The following PPP2CA variants were observed in gnomAD, a reference collection of about 807,000 sequenced individuals.
The protein encoded by PPP2CA is serine/threonine-protein phosphatase 2A catalytic subunit alpha isoform.
Under a neutral mutation model 38.8 loss-of-function variants are expected in PPP2CA, and 5 were observed. That is an observed-to-expected ratio of 0.13 (90% CI 0.07 to 0.27). The LOEUF is 0.27. Ranked by LOEUF, PPP2CA falls within the 10% of genes least tolerant of loss-of-function variation. PPP2CA has a pLI of 1.00. For synonymous variants in PPP2CA, 152 were observed against 134.0 expected (o/e 1.13, Z -0.93); for missense variants, 88 against 389.7 (o/e 0.23, Z 6.52).
At chr5:134,218,480 T>G (rs1762366767) in intron 1 of PPP2CA, among the ~76,000 whole-genome samples, 1 of 152,164 alleles carries the variant, frequency 6.6e-6, no homozygotes, top group African/African-American at 2.4e-5. Context: ...GTGAATGAAT[T>G]AAACACTCCC....
At chr5:134,221,700 T>G (rs1181182984) in intron 1 of PPP2CA, among the ~76,000 whole-genome samples, 2 of 152,140 alleles carry the variant, frequency 1.3e-5, no homozygotes, top group Non-Finnish European at 1.5e-5. Context: ...CCAGGCGCGC[T>G]GGCTCAAGCC....
chr5:134,225,403 G>T, intron 1 of PPP2CA: 2 of 225,528 alleles, frequency 8.9e-6, no homozygotes, highest in Non-Finnish European at 1.8e-5. Flanking sequence ...GAGAGGCCCA[G>T]GCTCCATTCC....
At chr5:134,220,879 C>A (rs925499100) in intron 1 of PPP2CA, among the ~76,000 whole-genome samples, 1 of 152,188 alleles carries the variant, frequency 6.6e-6, no homozygotes, top group African/African-American at 2.4e-5. Context: ...AGTACATGAG[C>A]TTCAACTTAG....
At chr5:134,202,749 GA>G (rs1184236613) in intron 2 of PPP2CA, among the ~76,000 whole-genome samples, 1 of 152,178 alleles carries the variant, frequency 6.6e-6, no homozygotes, top group Non-Finnish European at 1.5e-5. Flanking sequence ...AGATTCCTAA[GA>G]ATATAATTGT....
chr5:134,203,793 G>A (rs1027902146), intron 2 of PPP2CA, among the ~76,000 whole-genome samples: 3 of 152,044 alleles, frequency 2.0e-5, no homozygotes, highest in African/African-American at 2.4e-5. Context: ...GTAGCTCACC[G>A]CAGCCTGAAA....
At position 134,201,765 on chromosome 5, in the gene PPP2CA, G is replaced by A. The variant is rs533711392; in HGVS notation, c.486+83C>T. ...AAAAATATCCCCAAAGGGGTGTTAA[G>A]AGTGGAAAGAGTCATAAGCACCTGA... On this transcript the variant is annotated intron_variant, in intron 3 of 6. Transcript: ENST00000481195. 296 of 1,400,740 alleles carry A rather than the reference G, an allele frequency of 2.1e-4. 1 individual carries two copies. Among genetic ancestry groups the A allele is most frequent in the African/African-American group, 1.4e-3 (95 of 67,824 alleles). The allele number at this position is 1,400,740 out of a possible 1,614,324, so 86.8% of individuals were successfully genotyped here.
rs1761880175 is a variant in PPP2CA at position 134,197,553 on chromosome 5, T to C, written c.*219A>G. 2 of 517,124 alleles carry C rather than the reference T, an allele frequency of 3.9e-6. No homozygotes were observed. Among genetic ancestry groups the C allele is most frequent in the Middle Eastern group, 5.2e-4 (1 of 1,932 alleles). 32.0% of individuals were successfully genotyped at this position (517,124 alleles called of 1,614,324 possible). On this transcript the variant is annotated 3_prime_UTR_variant, in exon 7 of 7. Coordinates refer to ENST00000481195, the MANE Select transcript of PPP2CA (RefSeq NM_002715.4). ...CAGAAACTGGTTTCTTGACCAACAATGTCGCTTCAGCATGCAATGAACTGG... is the reference window on the plus strand; with the variant it reads ...CAGAAACTGGTTTCTTGACCAACAACGTCGCTTCAGCATGCAATGAACTGG...
intron 1 of PPP2CA, among the ~76,000 whole-genome samples, chr5:134,224,023 A>C (rs1762503252): frequency 6.6e-6 from 1 of 152,212 alleles, no homozygotes; most frequent in Non-Finnish European, 1.5e-5. Flanking sequence ...AGAAGGACTC[A>C]TGTCCAAATC....
At chr5:134,205,749 C>G in intron 2 of PPP2CA, 173 bp downstream of exon 2, 2 of 581,482 alleles carry the variant, frequency 3.4e-6, no homozygotes, top group South Asian at 4.0e-5. Context: ...GTACCATCCC[C>G]TTACTCAGAA....
chr5:134,222,862 GTCTTAATCACA>G (rs1187344847), intron 1 of PPP2CA, among the ~76,000 whole-genome samples: 1 of 152,166 alleles, frequency 6.6e-6, no homozygotes, highest in African/African-American at 2.4e-5. Context: ...TTTTGTATAA[GTCTTAATCACA>G]TCTTAAAATT....
chr5:134,202,130 A>C, intron 2 of PPP2CA, 109 bp from the exon 3 acceptor site: 2 of 1,088,410 alleles, frequency 1.8e-6, no homozygotes, highest in Non-Finnish European at 2.6e-6. Context: ...TTGAAAAAAC[A>C]GCACACATCC....
At chr5:134,204,085 G>A (rs1360135872) in intron 2 of PPP2CA, among the ~76,000 whole-genome samples, 3 of 152,210 alleles carry the variant, frequency 2.0e-5, no homozygotes, top group East Asian at 1.9e-4. Flanking sequence ...AGAAAATAAC[G>A]ATCTCCAAAA....
chr5:134,222,680 GAT>G (rs1224453777), intron 1 of PPP2CA, among the ~76,000 whole-genome samples: 1 of 152,162 alleles, frequency 6.6e-6, no homozygotes, highest in Non-Finnish European at 1.5e-5. Context: ...AAAGCAAGTT[GAT>G]ACTATTTACT....
chr5:134,197,916 G>A, intron 6 of PPP2CA, 72 bp from the exon 7 acceptor site: 2 of 1,308,750 alleles, frequency 1.5e-6, no homozygotes, highest in Non-Finnish European at 2.2e-6. Context: ...TCAAGAACAT[G>A]AGTCTTCCAA....
intron 1 of PPP2CA, among the ~76,000 whole-genome samples, chr5:134,216,920 T>C (rs1228201700): frequency 2.0e-5 from 3 of 152,224 alleles, no homozygotes; most frequent in Non-Finnish European, 4.4e-5. Flanking sequence ...CTCTTTACAA[T>C]CTTAGTACTA....
chr5:134,197,814 G>A lies in PPP2CA; in HGVS notation c.888C>T (p.Gly296=), dbSNP rs753520491. The A allele has an allele frequency of 8.1e-6, 13 of 1,613,042 alleles. No individual in the cohort carries two copies. Among genetic ancestry groups the A allele is most frequent in the African/African-American group, 6.7e-5 (5 of 74,972 alleles). The change falls in exon 7 of 7, where the codon GGC becomes GGT. Residue 296 remains glycine (G), a synonymous_variant. Transcript: ENST00000481195. Reference sequence around the variant, plus strand: ...GGGTACGACGAGTAACATGTGGCTCGCCTCTACGAGGTGCTGGGTCAAACT... The same window carrying A: ...GGGTACGACGAGTAACATGTGGCTCACCTCTACGAGGTGCTGGGTCAAACT... ...FLQFDPAPRR[G]EPHVTRRTPD... is the part of the protein sequence containing the mutation.
At chr5:134,199,300 C>T in intron 5 of PPP2CA, 96 bp from the exon 6 acceptor site, 1 of 893,066 alleles carries the variant, frequency 1.1e-6, no homozygotes, top group Non-Finnish European at 1.8e-6. Flanking sequence ...CTCATTCCCA[C>T]CCCTGCCAAA....
rs888552639 is a variant in PPP2CA, at chr5:134,221,997, T to A, written c.102+3763A>T. ...AAAAAAAAAAAAAAAAGTTTTATTTTATGAAAGTGTTGACTTCCCAATTTA... is the reference window on the plus strand; with the variant it reads ...AAAAAAAAAAAAAAAAGTTTTATTTAATGAAAGTGTTGACTTCCCAATTTA... On this transcript the variant is annotated intron_variant, in intron 1 of 6. Coordinates refer to ENST00000481195, the MANE Select transcript of PPP2CA (RefSeq NM_002715.4). Among the ~76,000 whole-genome samples the A allele has an allele frequency of 2.0e-5, 3 of 151,966 alleles. No homozygotes were observed. In the East Asian group the frequency reaches 5.8e-4, roughly 29 times the overall value.
Position 134,224,250 on chromosome 5 carries a change from T to TA in PPP2CA, c.102+1509dup, listed in dbSNP as rs1561745736. 6.6e-6 allele frequency: 3 copies of TA among 453,944 alleles called. No homozygotes were observed. The Admixed American group carries it at 7.2e-5, about 11-fold the overall frequency. The allele number at this position is 453,944 out of a possible 1,614,324, so 28.1% of individuals were successfully genotyped here. A position where few individuals can be genotyped will look rare whatever the true frequency, so the allele number is the denominator to read the frequency against. On this transcript the variant is annotated intron_variant, in intron 1 of 6. Transcript: ENST00000481195. ...GCCAATTTTAAACCTTTAAAATAAA[T>TA]ACCAACCTCATTTGACGTGAGAGGG...
Sources: gnomAD v4.1 joint callset for allele counts (sites outside exome capture counted in the v4.1 genomes callset) on GRCh38, gnomAD v4.1.1 for gene constraint, MANE v1.5 for transcripts, NCBI Gene and HGNC (gene_info 2026-07-23, HGNC 2026-07-21) for gene names.